Variants in PTK2 observed in about 807,000 individuals in gnomAD.
PTK2 encodes protein tyrosine kinase 2.
A neutral mutation model predicts 150.1 loss-of-function variants in PTK2; 45 were observed. That is an observed-to-expected ratio of 0.30 (90% CI 0.24 to 0.38). The LOEUF (loss-of-function observed/expected upper bound fraction) is 0.38, where lower values mean the gene tolerates loss of function less well. Ranked by LOEUF, PTK2 falls within the 10% of genes least tolerant of loss-of-function variation. The pLI is 1.00. For missense variants in PTK2, 919 were observed against 1,307.3 expected (o/e 0.70, Z 4.58); for synonymous variants, 432 against 449.2 (o/e 0.96, Z 0.48).
intron 16 of PTK2, among the ~76,000 whole-genome samples, chr8:140,760,067 CA>C (rs1169618786): frequency 4.6e-5 from 7 of 151,870 alleles, no homozygotes; most frequent in African/African-American, 1.7e-4. Context: ...ACTAAAAAAA[CA>C]AAAATTAGCT....
intron 2 of PTK2, among the ~76,000 whole-genome samples, chr8:140,898,983 A>T (rs1244488220): frequency 6.6e-6 from 1 of 152,206 alleles, no homozygotes; most frequent in South Asian, 2.1e-4. Context: ...TTTCTAGTTA[A>T]AGTGACTCCT....
intron 1 of PTK2, among the ~76,000 whole-genome samples, chr8:140,940,221 T>A (rs4961303): frequency 0.25 from 38,458 of 152,008 alleles, 5,494 homozygotes; most frequent in Admixed American, 0.36. Flanking sequence ...ATCCTGTACA[T>A]CAGGAAAGAA....
intron 10 of PTK2, among the ~76,000 whole-genome samples, chr8:140,814,230 G>A (rs947777289): frequency 6.6e-6 from 1 of 152,196 alleles, no homozygotes; most frequent in African/African-American, 2.4e-5. Flanking sequence ...GACGTATACA[G>A]ATGAGCTGGT....
At chr8:140,871,529 T>C (rs2100142480) in intron 4 of PTK2, among the ~76,000 whole-genome samples, 1 of 152,228 alleles carries the variant, frequency 6.6e-6, no homozygotes. Flanking sequence ...TGGGGCATGG[T>C]GGCTCATGCC....
At chr8:140,738,628 G>A (rs533541314) in intron 21 of PTK2, among the ~76,000 whole-genome samples, 1 of 152,326 alleles carries the variant, frequency 6.6e-6, no homozygotes, top group South Asian at 2.1e-4. Context: ...AGATACTTCC[G>A]GGTTGGAGGG....
chr8:140,909,050 G>C (rs1172902765), intron 2 of PTK2: 2 of 152,802 alleles, frequency 1.3e-5, no homozygotes, highest in Non-Finnish European at 2.9e-5. Flanking sequence ...AAATTATCTG[G>C]GTTTGGTGGC....
chr8:140,829,466 C>G (rs563776968), intron 8 of PTK2, among the ~76,000 whole-genome samples: 14 of 152,324 alleles, frequency 9.2e-5, no homozygotes, highest in Non-Finnish European at 1.8e-4. Flanking sequence ...AGTTCTCTCT[C>G]TTTTGGTCTT....
At chr8:140,874,818 G>A (rs191540134) in intron 4 of PTK2, among the ~76,000 whole-genome samples, 48 of 152,196 alleles carry the variant, frequency 3.2e-4, no homozygotes, top group African/African-American at 1.2e-3. Flanking sequence ...CTGAAAACAA[G>A]TTTCTAAACC....
Position 140,743,808 on chromosome 8 carries a change from C to T in PTK2, c.1635-478G>A, listed in dbSNP as rs183459019. Among the ~76,000 whole-genome samples the T allele has an allele frequency of 3.5e-3, 518 of 148,172 alleles. 4 individuals are homozygous for T. Among genetic ancestry groups the T allele is most frequent in the African/African-American group, 0.012 (497 of 40,146 alleles). Reference sequence around the variant, plus strand: ...TTTTTTTTTTTTTGAGACAGAGTCTCGCTCTGTTGCCCAGGCTGGAGGGCA... The same window carrying T: ...TTTTTTTTTTTTTGAGACAGAGTCTTGCTCTGTTGCCCAGGCTGGAGGGCA... On this transcript the variant is annotated intron_variant, in intron 19 of 31. Transcript: ENST00000522684.
chr8:140,660,097 G>A (rs2077280425), intron 31 of PTK2, among the ~76,000 whole-genome samples: 1 of 152,040 alleles, frequency 6.6e-6, no homozygotes, highest in Non-Finnish European at 1.5e-5. Context: ...CACACATGCA[G>A]ATCCAGCATC....
intron 22 of PTK2, among the ~76,000 whole-genome samples, chr8:140,722,610 G>C (rs868216816): frequency 6.6e-6 from 1 of 152,136 alleles, no homozygotes; most frequent in Non-Finnish European, 1.5e-5. Context: ...CCTGCGAATG[G>C]TCACTGGGAG....
intron 22 of PTK2, among the ~76,000 whole-genome samples, chr8:140,728,618 A>G (rs2100047324): frequency 6.6e-6 from 1 of 152,200 alleles, no homozygotes; most frequent in African/African-American, 2.4e-5. Context: ...TCCTGGGTTC[A>G]TGCGATTCTC....
At chr8:141,001,795 G>C (rs2154610611), upstream of PTK2, among the ~76,000 whole-genome samples, 1 of 152,346 alleles carries the variant, frequency 6.6e-6, no homozygotes, top group South Asian at 2.1e-4. Flanking sequence ...GCACCACACC[G>C]ACCCTAACGA....
At chr8:140,963,479 C>G (rs113839256) in intron 1 of PTK2, among the ~76,000 whole-genome samples, 1 of 152,192 alleles carries the variant, frequency 6.6e-6, no homozygotes, top group Non-Finnish European at 1.5e-5. Context: ...GATCCCTGCT[C>G]TCCAATTCTA....
At chr8:140,969,007 G>A (rs1451936321) in intron 1 of PTK2, among the ~76,000 whole-genome samples, 1 of 152,184 alleles carries the variant, frequency 6.6e-6, no homozygotes, top group Non-Finnish European at 1.5e-5. Flanking sequence ...AACAGCTTCA[G>A]GTTTAGATAA....
rs185926247 is a variant in PTK2, at chr8:140,854,471, C to T, written c.451-7793G>A. Reference sequence around the variant, plus strand: ...GTTGTGAGAGAAAAAATAAACGTTACACGGTAAAGAAAAAAATTTGATTCC... The same window carrying T: ...GTTGTGAGAGAAAAAATAAACGTTATACGGTAAAGAAAAAAATTTGATTCC... On this transcript the variant is annotated intron_variant, in intron 5 of 31. Transcript: ENST00000522684. Among the ~76,000 whole-genome samples, 193 of 152,242 alleles carry T rather than the reference C, an allele frequency of 1.3e-3. 1 individual carries two copies. The highest frequency in any genetic ancestry group is 4.5e-3 in the African/African-American group (187 of 41,546).
At chr8:140,829,348 T>C (rs369281648) in intron 8 of PTK2, among the ~76,000 whole-genome samples, 2 of 152,216 alleles carry the variant, frequency 1.3e-5, no homozygotes, top group South Asian at 2.1e-4. Context: ...CTGGATGGGT[T>C]TGACAGAGAG....
intron 27 of PTK2, among the ~76,000 whole-genome samples, chr8:140,677,762 T>C (rs2100014741): frequency 6.6e-6 from 1 of 152,246 alleles, no homozygotes; most frequent in African/African-American, 2.4e-5. Context: ...AATGATACCA[T>C]ATCAACTTAT....
intron 2 of PTK2, among the ~76,000 whole-genome samples, chr8:140,921,433 T>C (rs1262894496): frequency 6.6e-6 from 1 of 152,374 alleles, no homozygotes; most frequent in Admixed American, 6.5e-5. Context: ...CAAACCTTTT[T>C]TGTTTTCAAA....
Sources: allele counts gnomAD v4.1 joint callset (sites outside exome capture counted in the v4.1 genomes callset), GRCh38; gene constraint gnomAD v4.1.1; transcripts MANE v1.5; gene names NCBI Gene and HGNC (gene_info 2026-07-23, HGNC 2026-07-21).